Variants in FKBP5 observed in about 807,000 individuals in gnomAD.
FKBP5 encodes FKBP prolyl isomerase 5.
FKBP5 carries 23 observed loss-of-function variants against 50.5 expected under a neutral mutation model. That is an observed-to-expected ratio of 0.46 (90% CI 0.33 to 0.65). The LOEUF is 0.65. Ranked by LOEUF, FKBP5 falls within the 30% of genes least tolerant of loss-of-function variation. The pLI is 0.02. For missense variants in FKBP5, 411 were observed against 553.1 expected (o/e 0.74, Z 2.58); for synonymous variants, 176 against 190.6 (o/e 0.92, Z 0.63).
chr6:35,583,459 G>A, intron 8 of FKBP5: 1 of 985,342 alleles, frequency 1.0e-6, no homozygotes, highest in Non-Finnish European at 1.2e-6. Flanking sequence ...TTAATTTTTT[G>A]AAAGCTCTTG....
intron 2 of FKBP5, among the ~76,000 whole-genome samples, chr6:35,705,004 G>A (rs1053096166): frequency 6.6e-6 from 1 of 150,814 alleles, no homozygotes. Flanking sequence ...AGCCGGGCGT[G>A]GTGGCAGGTG....
chr6:35,707,277 C>T (rs148839652), intron 2 of FKBP5, among the ~76,000 whole-genome samples: 1,405 of 132,214 alleles, frequency 0.011, 21 homozygotes, highest in African/African-American at 0.036. Flanking sequence ...AGTGCAATGA[C>T]GTGATCTCGG....
intron 5 of FKBP5, among the ~76,000 whole-genome samples, chr6:35,608,860 C>T (rs1019050979): frequency 1.3e-5 from 2 of 152,120 alleles, no homozygotes; most frequent in Non-Finnish European, 2.9e-5. Context: ...GGCAGTGGTA[C>T]AATCTTGGCT....
At chr6:35,697,406 G>T (rs1359208758) in intron 2 of FKBP5, among the ~76,000 whole-genome samples, 1 of 152,074 alleles carries the variant, frequency 6.6e-6, no homozygotes, top group African/African-American at 2.4e-5. Context: ...AATTAGCCGG[G>T]CATGGTGGCC....
chr6:35,593,603 A>G (rs769630779), intron 6 of FKBP5, among the ~76,000 whole-genome samples: 10 of 152,082 alleles, frequency 6.6e-5, no homozygotes, highest in Non-Finnish European at 1.2e-4. Flanking sequence ...CACCCCAGGC[A>G]TCGTGCAGTG....
chr6:35,711,247 G>A (rs1766406715), intron 2 of FKBP5, among the ~76,000 whole-genome samples: 1 of 151,150 alleles, frequency 6.6e-6, no homozygotes, highest in Non-Finnish European at 1.5e-5. Flanking sequence ...AGTCTGGGAA[G>A]TTGAGGCTGC....
Position 35,685,116 on chromosome 6 carries a change from A to G in FKBP5, c.-20+3688T>C, listed in dbSNP as rs187624235. ...ATTAAGCATAAAATGTAGGTTCTCA[A>G]ACTACTATAAGAAGTACAAATTATT... On this transcript the variant is annotated intron_variant, in intron 1 of 10. Coordinates refer to ENST00000357266, the MANE Select transcript of FKBP5 (RefSeq NM_004117.4). Among the ~76,000 whole-genome samples the G allele has an allele frequency of 8.3e-3, 1,269 of 152,290 alleles. 7 individuals carry two copies. The highest frequency in any genetic ancestry group is 0.02 in the Middle Eastern group (6 of 294).
At chr6:35,689,935 A>G (rs920322354), upstream of FKBP5, among the ~76,000 whole-genome samples, 2 of 152,198 alleles carry the variant, frequency 1.3e-5, no homozygotes, top group Non-Finnish European at 2.9e-5. Flanking sequence ...ATAGAGATGC[A>G]GGAGCTGCAC....
intron 5 of FKBP5, among the ~76,000 whole-genome samples, chr6:35,609,658 C>A (rs987804795): frequency 1.3e-5 from 2 of 152,080 alleles, no homozygotes; most frequent in African/African-American, 4.8e-5. Context: ...TCCATATCTT[C>A]TAATTTCTTT....
At chr6:35,594,864 C>A in intron 6 of FKBP5, among the ~76,000 whole-genome samples, 1 of 152,140 alleles carries the variant, frequency 6.6e-6, no homozygotes, top group East Asian at 1.9e-4. Flanking sequence ...AACTTTTATA[C>A]CTAGAAATTT....
At chr6:35,709,453 T>C (rs2151021301) in intron 2 of FKBP5, among the ~76,000 whole-genome samples, 1 of 152,352 alleles carries the variant, frequency 6.6e-6, no homozygotes, top group East Asian at 1.9e-4. Flanking sequence ...TATAACTATG[T>C]TCGCATATGG....
chr6:35,634,296 C>T (rs527491787), intron 3 of FKBP5, among the ~76,000 whole-genome samples: 1 of 152,230 alleles, frequency 6.6e-6, no homozygotes, highest in African/African-American at 2.4e-5. Context: ...ATTCTGGCAG[C>T]CCTGGAGGTT....
At chr6:35,617,580 G>C (rs770766622) in intron 5 of FKBP5, among the ~76,000 whole-genome samples, 2 of 152,114 alleles carry the variant, frequency 1.3e-5, no homozygotes, top group Non-Finnish European at 2.9e-5. Flanking sequence ...GTTCTTAATG[G>C]AAGTATTTCT....
chr6:35,658,728 T>C (rs1765027585), intron 1 of FKBP5, among the ~76,000 whole-genome samples: 2 of 87,450 alleles, frequency 2.3e-5, no homozygotes, highest in African/African-American at 7.0e-5. Flanking sequence ...GGTCACTGTA[T>C]TTTATCATTT....
upstream of FKBP5, among the ~76,000 whole-genome samples, chr6:35,689,117 T>G (rs1765930888): frequency 1.3e-5 from 2 of 152,162 alleles, no homozygotes; most frequent in South Asian, 2.1e-4. Flanking sequence ...CATTTGCTCC[T>G]CCACCTCCCC....
At chr6:35,726,798 T>C (rs959105293) in intron 1 of FKBP5, among the ~76,000 whole-genome samples, 6 of 152,184 alleles carry the variant, frequency 3.9e-5, no homozygotes, top group Non-Finnish European at 5.9e-5. Context: ...GAACATGAAC[T>C]CCGGTGCCAA....
At chr6:35,587,520 G>A (rs1762639700) in intron 7 of FKBP5, among the ~76,000 whole-genome samples, 1 of 152,142 alleles carries the variant, frequency 6.6e-6, no homozygotes, top group African/African-American at 2.4e-5. Flanking sequence ...TCTAAAATGG[G>A]AACATGACTG....
chr6:35,694,105 C>T (rs546768778), intron 2 of FKBP5, among the ~76,000 whole-genome samples: 4 of 152,234 alleles, frequency 2.6e-5, no homozygotes, highest in South Asian at 2.1e-4. Flanking sequence ...TCCCAGAATA[C>T]TGGGATTACA....
intron 3 of FKBP5, among the ~76,000 whole-genome samples, chr6:35,622,718 A>G (rs1275982188): frequency 6.6e-6 from 1 of 152,176 alleles, no homozygotes; most frequent in Admixed American, 6.5e-5. Context: ...CTACTTTTTC[A>G]TTTATTATAT....
Sources: allele counts gnomAD v4.1 joint callset (sites outside exome capture counted in the v4.1 genomes callset), GRCh38; gene constraint gnomAD v4.1.1; transcripts MANE v1.5; gene names NCBI Gene and HGNC (gene_info 2026-07-23, HGNC 2026-07-21).